KHDRBS3: variants seen among roughly 807,000 people sequenced by gnomAD.
The protein encoded by KHDRBS3 is KH RNA binding domain containing, signal transduction associated 3.
In KHDRBS3, 23 loss-of-function variants were observed where a neutral mutation model predicts 45.6. The ratio of observed to expected loss-of-function variants is 0.50; its 90% CI spans 0.36 to 0.72. KHDRBS3 has a LOEUF of 0.72. Among genes scored for constraint, KHDRBS3 ranks in the 30% least tolerant of loss-of-function variants. The pLI, the probability that KHDRBS3 is intolerant of heterozygous loss-of-function variation, is 0.00. For missense variants in KHDRBS3, 352 were observed against 424.8 expected (o/e 0.83, Z 1.51); for synonymous variants, 162 against 156.5 (o/e 1.04, Z -0.26).
intron 6 of KHDRBS3, among the ~76,000 whole-genome samples, chr8:135,598,606 T>C (rs1482951026): frequency 2.0e-5 from 3 of 152,198 alleles, no homozygotes; most frequent in Non-Finnish European, 4.4e-5. Flanking sequence ...TTAAATGATA[T>C]GAGAAAGATT....
intron 2 of KHDRBS3, among the ~76,000 whole-genome samples, chr8:135,521,789 G>T (rs1227305240): frequency 6.6e-6 from 1 of 152,000 alleles, no homozygotes; most frequent in Admixed American, 6.6e-5. Flanking sequence ...ATACTGTTGT[G>T]TGTATTAGTA....
intron 1 of KHDRBS3, among the ~76,000 whole-genome samples, chr8:135,494,273 ATTTTTTTT>A (rs386414089): frequency 2.5e-5 from 2 of 78,624 alleles, no homozygotes; most frequent in African/African-American, 5.7e-5. Flanking sequence ...TGTTTCTCTT[ATTTTTTTT>A]TTTTTTTTTT....
At chr8:135,654,375 G>T (rs1831488185) in intron 4 of KHDRBS3, among the ~76,000 whole-genome samples, 1 of 152,186 alleles carries the variant, frequency 6.6e-6, no homozygotes, top group Non-Finnish European at 1.5e-5. Context: ...TCCCATAGAG[G>T]TCATGGTGCA....
intron 6 of KHDRBS3, among the ~76,000 whole-genome samples, chr8:135,587,607 T>C (rs1563788741): frequency 6.6e-6 from 1 of 152,214 alleles, no homozygotes; most frequent in Non-Finnish European, 1.5e-5. Flanking sequence ...CAAAATGACA[T>C]TGATTTATTA....
At chr8:135,557,780 G>A (rs754612872) in intron 5 of KHDRBS3, among the ~76,000 whole-genome samples, 193 bp downstream of exon 5, 12 of 152,148 alleles carry the variant, frequency 7.9e-5, no homozygotes, top group Non-Finnish European at 2.9e-5. Flanking sequence ...GATAGTGCCT[G>A]TGAATAGCTG....
intron 2 of KHDRBS3, among the ~76,000 whole-genome samples, chr8:135,533,768 G>A (rs1316199884): frequency 6.6e-6 from 1 of 152,102 alleles, no homozygotes; most frequent in East Asian, 1.9e-4. Flanking sequence ...TAAAAATATT[G>A]TAAGTCAAAA....
intron 1 of KHDRBS3, among the ~76,000 whole-genome samples, chr8:135,514,589 A>G (rs1226870265): frequency 3.9e-5 from 6 of 152,246 alleles, no homozygotes; most frequent in Non-Finnish European, 8.8e-5. Context: ...TTTAATGTGC[A>G]TAGGGTTTCA....
intron 5 of KHDRBS3, among the ~76,000 whole-genome samples, chr8:135,564,836 C>T (rs1013551780): frequency 4.6e-5 from 7 of 152,054 alleles, no homozygotes; most frequent in African/African-American, 1.4e-4. Flanking sequence ...TGTTCATTAG[C>T]AGGATCTTTT....
intron 1 of KHDRBS3, among the ~76,000 whole-genome samples, chr8:135,509,913 C>A (rs964679262): frequency 4.7e-5 from 7 of 149,692 alleles, no homozygotes; most frequent in African/African-American, 1.7e-4. Context: ...GAAATCCATT[C>A]TATAAGATAA....
chr8:135,625,215 T>A lies in KHDRBS3; in HGVS notation c.890+18178T>A, dbSNP rs879149239. ...ACTCTTCTTGCTCCTCCTGTGGGCC[T>A]CCTTCATCAGATGTCACAAAGCCTT... On this transcript the variant is annotated intron_variant, in intron 7 of 8. Transcript: ENST00000355849. 80 of 1,408,108 alleles carry A rather than the reference T, an allele frequency of 5.7e-5. 1 individual carries two copies. Among genetic ancestry groups the A allele is most frequent in the East Asian group, 5.0e-4 (22 of 43,740 alleles). The allele number at this position is 1,408,108 out of a possible 1,614,324, so 87.2% of individuals were successfully genotyped here.
At chr8:135,467,750 G>A (rs1228287212) in intron 1 of KHDRBS3, among the ~76,000 whole-genome samples, 1 of 152,188 alleles carries the variant, frequency 6.6e-6, no homozygotes, top group Non-Finnish European at 1.5e-5. Flanking sequence ...TCAATCACTT[G>A]GTTAAGGTGG....
At chr8:135,522,043 C>T (rs1168145276) in intron 2 of KHDRBS3, among the ~76,000 whole-genome samples, 2 of 152,034 alleles carry the variant, frequency 1.3e-5, no homozygotes, top group African/African-American at 2.4e-5. Flanking sequence ...GTGGTTTGCC[C>T]CATCACCTAG....
chr8:135,608,722 G>A (rs900878037), intron 7 of KHDRBS3, among the ~76,000 whole-genome samples: 16 of 152,156 alleles, frequency 1.1e-4, no homozygotes, highest in African/African-American at 3.6e-4. Context: ...TGAGAAATGT[G>A]TCCTTAGGCA....
chr8:135,482,165 T>G (rs6985193), intron 1 of KHDRBS3, among the ~76,000 whole-genome samples: 121,797 of 152,176 alleles, frequency 0.8, 49,268 homozygotes, highest in East Asian at 0.96. Context: ...TTCTTCTGGG[T>G]TTTGCGAAGT....
intron 7 of KHDRBS3, chr8:135,626,050 G>C: frequency 1.7e-6 from 1 of 575,934 alleles, no homozygotes; most frequent in East Asian, 2.8e-5. Context: ...TACTTTTTAG[G>C]CAAGAATGAA....
chr8:135,544,365 G>C (rs763737508), intron 3 of KHDRBS3, among the ~76,000 whole-genome samples: 1 of 152,148 alleles, frequency 6.6e-6, no homozygotes, highest in Non-Finnish European at 1.5e-5. Context: ...TTGTATGCCC[G>C]AGTTAACAGC....
In KHDRBS3 at chr8:135,544,720, G is replaced by T. The variant is rs372786563; in HGVS notation, c.324+1950G>T. ...TGCATGGGACACCCTGATTTTACAT[G>T]ATTGACCCTCTTTTCCAGATCACCC... On this transcript the variant is annotated intron_variant, in intron 3 of 8. Coordinates refer to ENST00000355849, the MANE Select transcript of KHDRBS3 (RefSeq NM_006558.3). 4.6e-5 allele frequency among the ~76,000 whole-genome samples: 7 copies of T among 152,174 alleles called. No homozygotes were observed. In the East Asian group the frequency reaches 1.3e-3, roughly 29 times the overall value.
chr8:135,526,247 C>T (rs1426791850), intron 2 of KHDRBS3, among the ~76,000 whole-genome samples: 2 of 150,904 alleles, frequency 1.3e-5, no homozygotes, highest in Admixed American at 6.6e-5. Context: ...ATAAAGTGTA[C>T]GAAATAAAAT....
intron 7 of KHDRBS3, among the ~76,000 whole-genome samples, chr8:135,636,615 G>A (rs1389382828): frequency 4.6e-5 from 7 of 152,194 alleles, no homozygotes; most frequent in African/African-American, 7.2e-5. Flanking sequence ...AGGTGGGCTC[G>A]TGATGGATCC....
Sources: allele counts gnomAD v4.1 joint callset (sites outside exome capture counted in the v4.1 genomes callset), GRCh38; gene constraint gnomAD v4.1.1; transcripts MANE v1.5; gene names NCBI Gene and HGNC (gene_info 2026-07-23, HGNC 2026-07-21).